Variants in AGBL1 observed in about 807,000 individuals in gnomAD.
AGBL1 encodes the protein AGBL carboxypeptidase 1.
AGBL1 carries 130 observed loss-of-function variants against 118.9 expected under a neutral mutation model. That is an observed-to-expected ratio of 1.09 (90% CI 0.95 to 1.26). The LOEUF is 1.26. Among genes scored for constraint, AGBL1 ranks in the 50% most tolerant of loss-of-function variants. AGBL1 has a pLI of 0.00. For missense variants in AGBL1, 1,584 were observed against 1,298.1 expected (o/e 1.22, Z -3.38); for synonymous variants, 555 against 478.9 (o/e 1.16, Z -2.08).
intron 17 of AGBL1, among the ~76,000 whole-genome samples, chr15:86,364,958 C>CACATATATATATATATATATATATATAT (rs1474501613): frequency 1.3e-5 from 1 of 76,138 alleles, no homozygotes; most frequent in African/African-American, 3.8e-5. Context: ...ATATGTCACA[C>CACATATATATATATATATATATATATAT]ATATATATAT....
chr15:86,109,269 T>C (rs1327021156), intron 1 of AGBL1, among the ~76,000 whole-genome samples: 1 of 152,134 alleles, frequency 6.6e-6, no homozygotes, highest in Non-Finnish European at 1.5e-5. Context: ...AGGAGAATAA[T>C]ACAAAACTAC....
chr15:86,453,603 C>A (rs1314068379), intron 18 of AGBL1, among the ~76,000 whole-genome samples: 1 of 152,150 alleles, frequency 6.6e-6, no homozygotes, highest in Non-Finnish European at 1.5e-5. Flanking sequence ...CAGCAAAAAG[C>A]CATCAGGTTT....
chr15:86,977,583 T>A (rs561385977), intron 23 of AGBL1, among the ~76,000 whole-genome samples: 2 of 152,106 alleles, frequency 1.3e-5, no homozygotes, highest in East Asian at 3.9e-4. Flanking sequence ...TTCCTAAGCA[T>A]TACATTTCTG....
chr15:86,080,423 A>G, intron 1 of AGBL1: 1 of 162,484 alleles, frequency 6.2e-6, no homozygotes, highest in Non-Finnish European at 1.3e-5. Flanking sequence ...TGAGGAGAGG[A>G]CCCTTCTGGG....
At chr15:86,105,171 C>T (rs1896980170) in intron 1 of AGBL1, 1 of 152,140 alleles carries the variant, frequency 6.6e-6, no homozygotes, top group African/African-American at 2.4e-5. Context: ...TACCAGATGC[C>T]TCTAGTCAGC....
chr15:86,194,970 T>G (rs986742046), intron 5 of AGBL1, among the ~76,000 whole-genome samples: 1 of 152,232 alleles, frequency 6.6e-6, no homozygotes, highest in Non-Finnish European at 1.5e-5. Context: ...GACACTATTT[T>G]ATGATGGGTA....
chr15:86,490,033 C>T (rs1002024862), intron 18 of AGBL1, among the ~76,000 whole-genome samples: 3 of 152,104 alleles, frequency 2.0e-5, no homozygotes, highest in African/African-American at 4.8e-5. Context: ...CCCAGGATTT[C>T]ACACTCAGGT....
At chr15:86,769,446 T>C (rs974428692) in intron 22 of AGBL1, among the ~76,000 whole-genome samples, 1 of 151,984 alleles carries the variant, frequency 6.6e-6, no homozygotes, top group African/African-American at 2.4e-5. Context: ...AAACATGAGA[T>C]ATTCATAGAA....
At chr15:86,254,630 A>G (rs922559070) in intron 7 of AGBL1, among the ~76,000 whole-genome samples, 11 of 152,086 alleles carry the variant, frequency 7.2e-5, no homozygotes, top group Non-Finnish European at 1.6e-4. Flanking sequence ...CTAAAATCTC[A>G]CCTTTCCCTC....
chr15:86,141,006 T>C (rs1305479904), intron 1 of AGBL1, among the ~76,000 whole-genome samples: 1 of 152,156 alleles, frequency 6.6e-6, no homozygotes, highest in Non-Finnish European at 1.5e-5. Flanking sequence ...GTATGAGTCT[T>C]ATGGAAGATT....
chr15:86,905,941 A>C (rs1426798368), intron 22 of AGBL1, among the ~76,000 whole-genome samples: 1 of 152,154 alleles, frequency 6.6e-6, no homozygotes, highest in Admixed American at 6.5e-5. Context: ...CTTCCTCTCC[A>C]TTCAGGCAAT....
chr15:86,808,236 A>T (rs1277876440), intron 22 of AGBL1, among the ~76,000 whole-genome samples: 1 of 152,176 alleles, frequency 6.6e-6, no homozygotes, highest in Admixed American at 6.6e-5. Flanking sequence ...CTCAGTTGAG[A>T]GAATTTTAGA....
intron 17 of AGBL1, among the ~76,000 whole-genome samples, chr15:86,394,548 C>T (rs1346666897): frequency 1.3e-5 from 2 of 152,016 alleles, no homozygotes. Context: ...GTACAGTGGC[C>T]TAACCAAATA....
intron 22 of AGBL1, among the ~76,000 whole-genome samples, chr15:86,861,460 A>G (rs2079558130): frequency 1.3e-5 from 2 of 152,182 alleles, no homozygotes; most frequent in Non-Finnish European, 1.5e-5. Flanking sequence ...AATATGTTCA[A>G]TGAAGTTCAA....
chr15:86,740,771 A>G (rs2141234692), intron 22 of AGBL1, among the ~76,000 whole-genome samples: 1 of 152,298 alleles, frequency 6.6e-6, no homozygotes, highest in South Asian at 2.1e-4. Flanking sequence ...TAAGGAAATG[A>G]TGTAAGGTAT....
chr15:86,936,097 C>A (rs1257990461), intron 23 of AGBL1, among the ~76,000 whole-genome samples: 1 of 152,180 alleles, frequency 6.6e-6, no homozygotes, highest in African/African-American at 2.4e-5. Context: ...GCAGGTGCAG[C>A]CCTGGTGCCC....
chr15:86,539,981 A>T (rs1463635802), intron 19 of AGBL1, among the ~76,000 whole-genome samples: 1 of 152,226 alleles, frequency 6.6e-6, no homozygotes, highest in African/African-American at 2.4e-5. Flanking sequence ...GTGTTTTAAA[A>T]CATTGTCTCT....
At chr15:86,499,602 G>C (rs561594455) in intron 18 of AGBL1, among the ~76,000 whole-genome samples, 1 of 151,892 alleles carries the variant, frequency 6.6e-6, no homozygotes, top group Non-Finnish European at 1.5e-5. Context: ...GTTATTTATC[G>C]CAGAATAGCA....
intron 18 of AGBL1, among the ~76,000 whole-genome samples, chr15:86,437,565 C>T (rs1039307634): frequency 1.3e-5 from 2 of 152,174 alleles, no homozygotes; most frequent in African/African-American, 4.8e-5. Context: ...CCCAACTCAG[C>T]TGGGTCCCGC....
Sources: gnomAD v4.1 joint callset for allele counts (sites outside exome capture counted in the v4.1 genomes callset) on GRCh38, gnomAD v4.1.1 for gene constraint, MANE v1.5 for transcripts, NCBI Gene and HGNC (gene_info 2026-07-23, HGNC 2026-07-21) for gene names.